Variants in GNAI1 observed in about 807,000 individuals in gnomAD.
The protein encoded by GNAI1 is guanine nucleotide-binding protein G(i) subunit alpha-1.
A neutral mutation model predicts 38.9 loss-of-function variants in GNAI1; 11 were observed. The ratio of observed to expected loss-of-function variants is 0.28; its 90% CI spans 0.18 to 0.47. The LOEUF is 0.47. Among genes scored for constraint, GNAI1 ranks in the 20% least tolerant of loss-of-function variants. The pLI, the probability that GNAI1 is intolerant of heterozygous loss-of-function variation, is 0.99. For missense variants in GNAI1, 317 were observed against 436.9 expected, an observed-to-expected ratio of 0.73 and a Z score of 2.45; for synonymous variants, 166 against 145.1, an observed-to-expected ratio of 1.14 and a Z score of -1.04.
intron 3 of GNAI1, among the ~76,000 whole-genome samples, chr7:80,196,993 A>C (rs548074632): frequency 3.2e-4 from 49 of 152,028 alleles, no homozygotes; most frequent in African/African-American, 1.2e-3. Context: ...TACAGTCCTC[A>C]TATTGTACTT....
At chr7:80,178,489 C>G (rs1272772838) in intron 1 of GNAI1, among the ~76,000 whole-genome samples, 1 of 152,130 alleles carries the variant, frequency 6.6e-6, no homozygotes, top group African/African-American at 2.4e-5. Flanking sequence ...GCCACAGCCA[C>G]CCTCAACTTT....
intron 1 of GNAI1, among the ~76,000 whole-genome samples, chr7:80,140,901 G>T (rs1158255879): frequency 6.6e-6 from 1 of 152,122 alleles, no homozygotes; most frequent in Non-Finnish European, 1.5e-5. Flanking sequence ...CCATTCCCTT[G>T]CCTTTTTCAG....
At chr7:80,141,935 C>T (rs763353620) in intron 1 of GNAI1, among the ~76,000 whole-genome samples, 26 of 152,130 alleles carry the variant, frequency 1.7e-4, no homozygotes, top group African/African-American at 2.4e-4. Flanking sequence ...CATGTTTCAC[C>T]TTTCTTCCCA....
In GNAI1 at chr7:80,169,456, T is replaced by C. The variant is rs113991889; in HGVS notation, c.119-19495T>C. ...CTATTTTATATAAAATCAGTAGTCT[T>C]TCAGCAAATTGTGTATTCAGAAATG... On this transcript the variant is annotated intron_variant, in intron 1 of 7. Coordinates refer to ENST00000649796, the MANE Select transcript of GNAI1 (RefSeq NM_002069.6). 5.4e-3 allele frequency among the ~76,000 whole-genome samples: 815 copies of C among 152,296 alleles called. 10 individuals are homozygous for C. The highest frequency in any genetic ancestry group is 9.8e-3 in the Non-Finnish European group (664 of 68,022).
intron 1 of GNAI1, among the ~76,000 whole-genome samples, chr7:80,161,188 A>T (rs904106517): frequency 6.6e-6 from 1 of 152,170 alleles, no homozygotes; most frequent in Admixed American, 6.5e-5. Flanking sequence ...GAAGCTCATT[A>T]TATAGTACTT....
Position 80,222,990 on chromosome 7 carries a change from C to A in GNAI1, c.*5497C>A, listed in dbSNP as rs1386143689. On this transcript the variant is annotated 3_prime_UTR_variant, in exon 8 of 8. Transcript: ENST00000649796. ...TACAGTTGGACAAGATAGCATAAAG[C>A]CTATTTTACAATAAAGGATATCTCA... 6.6e-6 allele frequency among the ~76,000 whole-genome samples: 1 copy of A among 152,098 alleles called. No individual in the cohort carries two copies. The highest frequency in any genetic ancestry group is 2.4e-5 in the African/African-American group (1 of 41,400).
intron 3 of GNAI1, among the ~76,000 whole-genome samples, chr7:80,193,540 G>T (rs938208376): frequency 6.6e-6 from 1 of 152,104 alleles, no homozygotes; most frequent in Non-Finnish European, 1.5e-5. Flanking sequence ...GATAATTTAG[G>T]TGATTATGTT....
Position 80,219,186 on chromosome 7 carries a change from GAT to G in GNAI1, c.*1696_*1697del, listed in dbSNP as rs1237169655. The G allele has an allele frequency of 6.6e-6, 1 of 152,444 alleles. No individual in the cohort carries two copies. Among genetic ancestry groups the G allele is most frequent in the Non-Finnish European group, 1.5e-5 (1 of 68,012 alleles). 9.4% of individuals were successfully genotyped at this position (152,444 alleles called of 1,614,324 possible). On this transcript the variant is annotated 3_prime_UTR_variant, in exon 8 of 8. Transcript: ENST00000649796. ...GATTCTTTATGTGCCTTTCATGAAA[GAT>G]ATGTTTTCATTAATTTTACTGGTGG...
chr7:80,157,489 A>AGAGT (rs1419048942), intron 1 of GNAI1, among the ~76,000 whole-genome samples: 10 of 152,202 alleles, frequency 6.6e-5, no homozygotes, highest in African/African-American at 2.4e-4. Flanking sequence ...TAATATGGTA[A>AGAGT]GAGTGAGTTT....
chr7:80,152,489 T>C (rs1232374581), intron 1 of GNAI1, among the ~76,000 whole-genome samples: 1 of 152,250 alleles, frequency 6.6e-6, no homozygotes, highest in South Asian at 2.1e-4. Flanking sequence ...GTCGATGTTT[T>C]GTTTTTACAA....
chr7:80,155,242 A>G (rs565999490), intron 1 of GNAI1, among the ~76,000 whole-genome samples: 2 of 152,338 alleles, frequency 1.3e-5, no homozygotes, highest in South Asian at 2.1e-4. Context: ...TTCTGAGTTG[A>G]TATTAATCAA....
At chr7:80,140,490 A>G (rs899608968) in intron 1 of GNAI1, among the ~76,000 whole-genome samples, 4 of 152,218 alleles carry the variant, frequency 2.6e-5, no homozygotes, top group Non-Finnish European at 4.4e-5. Context: ...GTGTACAACA[A>G]ATTCACACAG....
intron 1 of GNAI1, among the ~76,000 whole-genome samples, chr7:80,163,619 G>C (rs1787961224): frequency 6.6e-6 from 1 of 152,128 alleles, no homozygotes; most frequent in South Asian, 2.1e-4. Context: ...CATTATTGTT[G>C]AATTTTGAGA....
intron 1 of GNAI1, among the ~76,000 whole-genome samples, chr7:80,186,608 C>T (rs193181358): frequency 1.2e-4 from 18 of 152,258 alleles, no homozygotes; most frequent in African/African-American, 4.3e-4. Context: ...AACTCACGAG[C>T]TTACATCACT....
At chr7:80,136,137 T>G (rs1689038757) in intron 1 of GNAI1, 1 of 658,922 alleles carries the variant, frequency 1.5e-6, no homozygotes, top group African/African-American at 2.0e-5. Flanking sequence ...GTGGAGGTCT[T>G]TTCCAAATGT....
At chr7:80,197,545 T>G (rs1380928249) in intron 3 of GNAI1, among the ~76,000 whole-genome samples, 1 of 151,996 alleles carries the variant, frequency 6.6e-6, no homozygotes, top group Non-Finnish European at 1.5e-5. Flanking sequence ...TTGATGTAAT[T>G]TAATAAATAA....
chr7:80,188,854 GGGT>G, intron 1 of GNAI1, 94 bp from the exon 2 acceptor site: 1 of 778,778 alleles, frequency 1.3e-6, no homozygotes, highest in Admixed American at 2.1e-5. Flanking sequence ...GAGAGAGACT[GGGT>G]GTGTGTGTGT....
chr7:80,203,053 T>G (rs1788716093), intron 4 of GNAI1, among the ~76,000 whole-genome samples: 1 of 152,326 alleles, frequency 6.6e-6, no homozygotes, highest in Admixed American at 6.5e-5. Context: ...ACAAGATAAC[T>G]TAATCTCTTA....
intron 1 of GNAI1, among the ~76,000 whole-genome samples, chr7:80,185,923 T>G (rs996725799): frequency 6.6e-6 from 1 of 152,144 alleles, no homozygotes; most frequent in African/African-American, 2.4e-5. Flanking sequence ...CTTTGAAACG[T>G]TTTTGCAAAA....
Sources: allele counts gnomAD v4.1 joint callset (sites outside exome capture counted in the v4.1 genomes callset), GRCh38; gene constraint gnomAD v4.1.1; transcripts MANE v1.5; gene names NCBI Gene and HGNC (gene_info 2026-07-23, HGNC 2026-07-21).